Variants in BCAS3 observed in about 807,000 individuals in gnomAD.
BCAS3 encodes BCAS4/BCAS3 fusion.
Under a neutral mutation model 116.1 loss-of-function variants are expected in BCAS3, and 53 were observed. That is an observed-to-expected ratio of 0.46 (90% CI 0.37 to 0.57). BCAS3 has a LOEUF of 0.57. Ranked by LOEUF, BCAS3 falls within the 20% of genes least tolerant of loss-of-function variation. BCAS3 has a pLI of 0.00. For missense variants in BCAS3, 917 were observed against 1,165.4 expected, an observed-to-expected ratio of 0.79 and a Z score of 3.10; for synonymous variants, 391 against 408.2, an observed-to-expected ratio of 0.96 and a Z score of 0.51.
In BCAS3 at chr17:60,964,462, A is replaced by G. The variant is rs1255991694; in HGVS notation, c.1221+17110A>G. Among the ~76,000 whole-genome samples, 1 of 152,052 alleles carries G rather than the reference A, an allele frequency of 6.6e-6. No individual in the cohort carries two copies. Among genetic ancestry groups the G allele is most frequent in the East Asian group, 1.9e-4 (1 of 5,190 alleles). ...AGTATTTTGTTGAGGATTTTCACAT[A>G]TATGTTCATCACGGATATTGGCCTG... On this transcript the variant is annotated intron_variant, in intron 14 of 23. Transcript: ENST00000407086. This position sits in a 1 kb window ranked among gnomAD's most constrained non-coding sequence, Gnocchi z 4.6.
intron 22 of BCAS3, among the ~76,000 whole-genome samples, chr17:61,238,404 G>A (rs1255083428): frequency 1.3e-5 from 2 of 151,956 alleles, no homozygotes; most frequent in Non-Finnish European, 2.9e-5. Context: ...TGTATTTTTA[G>A]TAGAGATGGG....
At chr17:60,751,019 A>G (rs998630699) in intron 6 of BCAS3, among the ~76,000 whole-genome samples, 1 of 152,204 alleles carries the variant, frequency 6.6e-6, no homozygotes, top group African/African-American at 2.4e-5. Flanking sequence ...GCTGGATTGT[A>G]TAATACTTTG....
At chr17:61,195,876 G>A (rs2080448939) in intron 22 of BCAS3, among the ~76,000 whole-genome samples, 1 of 152,198 alleles carries the variant, frequency 6.6e-6, no homozygotes. Context: ...AGAATGATCT[G>A]ACTGGCTATC....
At chr17:60,836,761 G>A (rs527874770) in intron 7 of BCAS3, among the ~76,000 whole-genome samples, 9 of 152,032 alleles carry the variant, frequency 5.9e-5, no homozygotes, top group Non-Finnish European at 1.3e-4. Context: ...CATTTCCTTT[G>A]AGGCAAGCAG....
At position 61,070,366 on chromosome 17, in the gene BCAS3, AATATATATATATATATATATAT is replaced by A. The variant is rs55736464; in HGVS notation, c.2030-4541_2030-4520del. 2.5e-4 allele frequency: 77 copies of A among 313,920 alleles called. 12 individuals carry two copies. The East Asian group carries it at 3.1e-3, about 13-fold the overall frequency. 19.4% of individuals were successfully genotyped at this position (313,920 alleles called of 1,614,324 possible). A position where few individuals can be genotyped will look rare whatever the true frequency, so the allele number is the denominator to read the frequency against. On this transcript the variant is annotated intron_variant, in intron 19 of 23. Coordinates refer to ENST00000407086, the MANE Select transcript of BCAS3 (RefSeq NM_017679.5). ...AACTGAGTCCAGCTGCCTAATTCTGAATATATATATATATATATATATATATATATATATCTTTTCACCATTT... is the reference window on the plus strand; with the variant it reads ...AACTGAGTCCAGCTGCCTAATTCTGAATATATATATATCTTTTCACCATTT...
rs1336781113 is a variant in BCAS3 at position 61,029,585 on chromosome 17, A to G, written c.1638-5081A>G. Among the ~76,000 whole-genome samples the G allele has an allele frequency of 6.6e-6, 1 of 152,008 alleles. No individual in the cohort carries two copies. Among genetic ancestry groups the G allele is most frequent in the East Asian group, 1.9e-4 (1 of 5,200 alleles). ...CAATATTACAAATAAATAGGAATGT[A>G]TCAAGCTCTGAATTTGCATGTAGTG... is the stretch of plus-strand genomic sequence containing the variant. On this transcript the variant is annotated intron_variant, in intron 16 of 23. Transcript: ENST00000407086. This position sits in a 1 kb window ranked among gnomAD's most constrained non-coding sequence, Gnocchi z 5.2.
Position 60,910,650 on chromosome 17 carries a change from T to C in BCAS3, c.941T>C (p.Leu314Ser). The stretch of plus-strand genomic sequence containing the variant: ...CACAGTAATTCACGGCGGAGTCCTT[T>C]GGTCCCAGGCATCATCACAGTTATT... The part of the protein sequence containing the change: ...AIHSNSRRSP[L>S]VPGIITVIDT... The change falls in exon 12 of 24, where the codon TTG (leucine) becomes TCG (serine). Residue 314 changes from leucine to serine, a missense_variant. Leu to Ser is a moderately radical substitution (Grantham distance 145). Coordinates refer to ENST00000407086, the MANE Select transcript of BCAS3 (RefSeq NM_017679.5). 6.2e-7 allele frequency: 1 copy of C among 1,613,342 alleles called. No homozygotes were observed. Among genetic ancestry groups the C allele is most frequent in the Non-Finnish European group, 8.5e-7 (1 of 1,179,678 alleles).
intron 7 of BCAS3, chr17:60,810,626 T>A: frequency 1.4e-6 from 1 of 696,738 alleles, no homozygotes; most frequent in South Asian, 1.4e-5. Flanking sequence ...GTTCTGCAAA[T>A]CAACAGTGCC....
chr17:61,266,379 A>G (rs1261855786), intron 22 of BCAS3, among the ~76,000 whole-genome samples: 1 of 152,240 alleles, frequency 6.6e-6, no homozygotes, highest in East Asian at 1.9e-4. Flanking sequence ...TGTGGAAATT[A>G]AAAGGACGAT....
In BCAS3 at chr17:61,343,196, A is replaced by G. The variant is rs1242394482; in HGVS notation, c.2426-25131A>G. ...TCATCCCTCTCTGCCATGGCTCTTC[A>G]TAAGCACGTTGGCCAAGGCTGTTGC... On this transcript the variant is annotated intron_variant, in intron 22 of 23. Coordinates refer to ENST00000407086, the MANE Select transcript of BCAS3 (RefSeq NM_017679.5). The surrounding 1 kb of genome is among the most constrained non-coding windows in gnomAD (Gnocchi z 5.5). Among the ~76,000 whole-genome samples the G allele has an allele frequency of 6.6e-6, 1 of 152,216 alleles. No homozygotes were observed. Among genetic ancestry groups the G allele is most frequent in the Non-Finnish European group, 1.5e-5 (1 of 68,044 alleles).
At chr17:60,789,620 T>C (rs2046580853) in intron 6 of BCAS3, among the ~76,000 whole-genome samples, 1 of 152,210 alleles carries the variant, frequency 6.6e-6, no homozygotes, top group Admixed American at 6.5e-5. Context: ...ATTTCAATCA[T>C]CATGGTACAT....
intron 22 of BCAS3, among the ~76,000 whole-genome samples, chr17:61,303,838 T>C (rs2053633809): frequency 6.6e-6 from 1 of 152,228 alleles, no homozygotes; most frequent in African/African-American, 2.4e-5. Flanking sequence ...AATGCATCTC[T>C]GTGACCCCAG....
At chr17:60,702,171 T>A (rs2036509873) in intron 4 of BCAS3, among the ~76,000 whole-genome samples, 1 of 152,200 alleles carries the variant, frequency 6.6e-6, no homozygotes, top group Non-Finnish European at 1.5e-5. Context: ...GCAATTGAAT[T>A]TTAACTGCAT....
In BCAS3 at chr17:61,128,712, CT is replaced by C. The variant is rs552861753; in HGVS notation, c.2425+44149del. ...TGGAAACCAGCATATTGGCAGTCGT[CT>C]CACAACATGATTTTGCATTTACATC... On this transcript the variant is annotated intron_variant, in intron 22 of 23. Transcript: ENST00000407086. The surrounding 1 kb of genome is among the most constrained non-coding windows in gnomAD (Gnocchi z 4.1). 9.9e-5 allele frequency: 62 copies of C among 628,674 alleles called. 2 individuals are homozygous for C. In the South Asian group the frequency reaches 3.7e-3, roughly 38 times the overall value. 38.9% of individuals were successfully genotyped at this position (628,674 alleles called of 1,614,324 possible). A position where few individuals can be genotyped will look rare whatever the true frequency, so the allele number is the denominator to read the frequency against.
chr17:60,886,753 G>A (rs372889549), intron 9 of BCAS3, among the ~76,000 whole-genome samples: 1 of 152,074 alleles, frequency 6.6e-6, no homozygotes, highest in African/African-American at 2.4e-5. Context: ...CAGTTAGGCT[G>A]CTCGGGGGTC....
intron 22 of BCAS3, among the ~76,000 whole-genome samples, chr17:61,271,645 C>A (rs570486495): frequency 7.9e-6 from 1 of 127,078 alleles, no homozygotes; most frequent in East Asian, 2.5e-4. Context: ...TTAGTAGAGA[C>A]GGGGTTTCAC....
intron 7 of BCAS3, among the ~76,000 whole-genome samples, chr17:60,855,972 C>G (rs747894487): frequency 6.6e-6 from 1 of 152,136 alleles, no homozygotes; most frequent in Non-Finnish European, 1.5e-5. Flanking sequence ...TGTGAGCCGC[C>G]GCGCCTGGGC....
At chr17:60,996,579 A>G (rs1360680854) in intron 15 of BCAS3, among the ~76,000 whole-genome samples, 1 of 152,128 alleles carries the variant, frequency 6.6e-6, no homozygotes, top group East Asian at 1.9e-4. Context: ...TGTTAAGTTT[A>G]ATATGATGTC....
rs1480184669 is a variant in BCAS3, at chr17:61,032,416, C to A, written c.1638-2250C>A. 6.6e-6 allele frequency among the ~76,000 whole-genome samples: 1 copy of A among 152,098 alleles called. No individual in the cohort carries two copies. Among genetic ancestry groups the A allele is most frequent in the African/African-American group, 2.4e-5 (1 of 41,404 alleles). ...TTTCTCTTTCCCGTTCCCCCAGCCACCATCTTCCCAAAACTCCTAAGGATT... is the reference window on the plus strand; with the variant it reads ...TTTCTCTTTCCCGTTCCCCCAGCCAACATCTTCCCAAAACTCCTAAGGATT... On this transcript the variant is annotated intron_variant, in intron 16 of 23. Transcript: ENST00000407086. This position sits in a 1 kb window ranked among gnomAD's most constrained non-coding sequence, Gnocchi z 4.6.
Sources: allele counts gnomAD v4.1 joint callset (sites outside exome capture counted in the v4.1 genomes callset), GRCh38; gene constraint gnomAD v4.1.1; non-coding constraint Gnocchi (gnomAD v3.1); transcripts MANE v1.5; gene names NCBI Gene and HGNC (gene_info 2026-07-23, HGNC 2026-07-21).